PPP1R10: variants seen among roughly 807,000 people sequenced by gnomAD.
PPP1R10 encodes protein phosphatase 1 regulatory subunit 10.
PPP1R10 carries 15 observed loss-of-function variants against 99.0 expected under a neutral mutation model. The observed-to-expected ratio is 0.15, with a 90% CI of 0.10 to 0.23. PPP1R10 has a LOEUF of 0.23. PPP1R10 is among the 10% of genes least tolerant of loss of function. PPP1R10 has a pLI of 1.00. For synonymous variants in PPP1R10, 430 were observed against 449.5 expected, an observed-to-expected ratio of 0.96 and a Z score of 0.55; for missense variants, 947 against 1,259.4, an observed-to-expected ratio of 0.75 and a Z score of 3.75.
chr6:30,608,881 G>A lies in PPP1R10; in HGVS notation c.228C>T (p.Asn76=). 6.2e-7 allele frequency: 1 copy of A among 1,614,188 alleles called. No individual in the cohort carries two copies. The highest frequency in any genetic ancestry group is 8.5e-7 in the Non-Finnish European group (1 of 1,180,014). ...TTGTCTTTGAATACGTCAGCCAATTGTTAAGAAGTTTGTAGCCGCCAACGT... is the reference window on the plus strand; with the variant it reads ...TTGTCTTTGAATACGTCAGCCAATTATTAAGAAGTTTGTAGCCGCCAACGT... The part of the protein sequence containing the change: ...FIDVGGYKLL[N]NWLTYSKTTN... The change falls in exon 5 of 20, where the codon AAC becomes AAT. Residue 76 remains asparagine, a synonymous_variant. Coordinates refer to ENST00000376511, the MANE Select transcript of PPP1R10 (RefSeq NM_002714.4).
Position 30,606,130 on chromosome 6 carries a change from G to T in PPP1R10, c.740+8C>A, listed in dbSNP as rs1435393013. 1.2e-6 allele frequency: 2 copies of T among 1,613,674 alleles called. No homozygotes were observed. The highest frequency in any genetic ancestry group is 1.3e-5 in the African/African-American group (1 of 74,894). ...ACCCCATTCAGAGCCTGAGAATATG[G>T]TCCATACCTCTGACGTTTGAGGGGG... On this transcript the variant is annotated splice_region_variant and intron_variant, in intron 9 of 19. Transcript: ENST00000376511. This position sits in a 1 kb window ranked among gnomAD's most constrained non-coding sequence, Gnocchi z 6.3.
rs540063124 is a variant in PPP1R10 at position 30,605,610 on chromosome 6, C to T, written c.853+313G>A. Among the ~76,000 whole-genome samples, 9 of 152,232 alleles carry T rather than the reference C, an allele frequency of 5.9e-5. No homozygotes were observed. In the South Asian group the frequency reaches 1.9e-3, roughly 32 times the overall value. On this transcript the variant is annotated intron_variant, in intron 10 of 19. Transcript: ENST00000376511. Reference sequence around the variant, plus strand: ...GTGCGGTGGCTCATGCCTGTAATCCCAGCACTTTGGGAAGCTGAGGTGGGT... The same window carrying T: ...GTGCGGTGGCTCATGCCTGTAATCCTAGCACTTTGGGAAGCTGAGGTGGGT...
chr6:30,603,608 C>T lies in PPP1R10; in HGVS notation c.1631G>A (p.Gly544Asp). ...GGAGCCTCCTGCCCCATCAGGTGAG[C>T]CACCTGACCCCCCAGGTTCCAGAGT... ...VETLEPGGSG[G>D]SPDGAGGSKL... Residue 544 changes from glycine (G) to aspartate (D), a missense_variant, in exon 16 of 20, where the codon GGC (glycine) becomes GAC (aspartate). Physicochemically the swap from Gly to Asp is moderately conservative, Grantham distance 94. Transcript: ENST00000376511. 6.2e-7 allele frequency: 1 copy of T among 1,613,760 alleles called. No homozygotes were observed. The highest frequency in any genetic ancestry group is 8.5e-7 in the Non-Finnish European group (1 of 1,179,874).
In PPP1R10 at chr6:30,606,502, G is replaced by C. The variant is rs556813404; in HGVS notation, c.600C>G (p.Thr200=). The C allele has an allele frequency of 6.2e-7, 1 of 1,613,496 alleles. No homozygotes were observed. Among genetic ancestry groups the C allele is most frequent in the East Asian group, 2.2e-5 (1 of 44,886 alleles). Residue 200 remains threonine, a synonymous_variant, in exon 8 of 20, where the codon ACC becomes ACG. Coordinates refer to ENST00000376511, the MANE Select transcript of PPP1R10 (RefSeq NM_002714.4). The surrounding 1 kb of genome is among the most constrained non-coding windows in gnomAD (Gnocchi z 6.3). ...GGAACTTGGCATGACTGGGTGCTGT[G>C]GTGCGAAGAGACTTGGGCTTCTCCC... The part of the protein sequence containing the change: ...KKREKPKSLR[T]TAPSHAKFRS...
In PPP1R10 at chr6:30,602,687, G is replaced by A; in HGVS notation, c.1962C>T (p.Pro654=). 2 of 1,604,606 alleles carry A rather than the reference G, an allele frequency of 1.2e-6. No homozygotes were observed. The highest frequency in any genetic ancestry group is 2.2e-5 in the East Asian group (1 of 44,710). ...CCACTGGCCCACCAGGGCCTCCATG[G>A]GGACCTGTAAGGGGACAAAAAAGAG... is the stretch of plus-strand genomic sequence containing the variant. ...PPGPGGPMPG[P]HGGPGGPVGP... The change falls in exon 19 of 20, where the codon CCC becomes CCT. Residue 654 remains proline, a synonymous_variant. Transcript: ENST00000376511. This position sits in a 1 kb window ranked among gnomAD's most constrained non-coding sequence, Gnocchi z 6.7.
chr6:30,604,713 G>A lies in PPP1R10; in HGVS notation c.977C>T (p.Thr326Met), dbSNP rs569378424. Residue 326 changes from threonine to methionine, a missense_variant, in exon 12 of 20, where the codon ACG becomes ATG. Physicochemically the swap from Thr to Met is moderately conservative, Grantham distance 81. This residue lies in a region of PPP1R10 where 100 missense variants were observed against 105.8 expected (regional missense o/e 0.94). Coordinates refer to ENST00000376511, the MANE Select transcript of PPP1R10 (RefSeq NM_002714.4). The surrounding 1 kb of genome is among the most constrained non-coding windows in gnomAD (Gnocchi z 7.3). ...AAKPSPFEGK[T>M]STEPSTAKPS... ...TTTGGCTGTGCTTGGTTCTGTGCTC[G>A]TTTTCCCTTCAAAGGGGCTTGGCTA... 21 of 1,613,066 alleles carry A rather than the reference G, an allele frequency of 1.3e-5. No individual in the cohort carries two copies. The highest frequency in any genetic ancestry group is 8.0e-5 in the African/African-American group (6 of 75,030).
rs1582654982 is a variant in PPP1R10 at position 30,606,963 on chromosome 6, G to A, written c.383-107C>T. 1.7e-5 allele frequency: 17 copies of A among 1,013,148 alleles called. No homozygotes were observed. The East Asian group carries it at 4.4e-4, about 26-fold the overall frequency. The allele number at this position is 1,013,148 out of a possible 1,614,324, so 62.8% of individuals were successfully genotyped here. A position where few individuals can be genotyped will look rare whatever the true frequency, so the allele number is the denominator to read the frequency against. ...ATATTGTGAAAATTTATGTAACGGAGAAAGTAACCCAAAGTTTTAAGAAGA... is the reference window on the plus strand; with the variant it reads ...ATATTGTGAAAATTTATGTAACGGAAAAAGTAACCCAAAGTTTTAAGAAGA... On this transcript the variant is annotated intron_variant, in intron 6 of 19. Transcript: ENST00000376511. This position sits in a 1 kb window ranked among gnomAD's most constrained non-coding sequence, Gnocchi z 6.3.
intron 5 of PPP1R10, 117 bp downstream of exon 5, chr6:30,608,662 T>A: frequency 7.8e-7 from 1 of 1,286,030 alleles, no homozygotes; most frequent in Non-Finnish European, 1.1e-6. Flanking sequence ...ATTCCTATTT[T>A]TTTTCTGCTG....
At chr6:30,603,359 T>G in intron 16 of PPP1R10, 74 bp from the exon 17 acceptor site, 1 of 1,577,380 alleles carries the variant, frequency 6.3e-7, no homozygotes, top group South Asian at 1.1e-5. Flanking sequence ...CGCCAAAGAT[T>G]AGGGGTAAGT....
rs1444410732 is a variant in PPP1R10, at chr6:30,603,861, G to A, written c.1509-18C>T. 6.5e-7 allele frequency: 1 copy of A among 1,528,788 alleles called. No individual in the cohort carries two copies. Among genetic ancestry groups the A allele is most frequent in the East Asian group, 2.3e-5 (1 of 44,204 alleles). 94.7% of individuals were successfully genotyped at this position (1,528,788 alleles called of 1,614,324 possible). Reference sequence around the variant, plus strand: ...CATGAGGACTATCAGGAACAACACAGGTGAGAGAAAAAAGAATGATAGTCA... The same window carrying A: ...CATGAGGACTATCAGGAACAACACAAGTGAGAGAAAAAAGAATGATAGTCA... On this transcript the variant is annotated intron_variant, in intron 14 of 19. Coordinates refer to ENST00000376511, the MANE Select transcript of PPP1R10 (RefSeq NM_002714.4).
intron 14 of PPP1R10, 60 bp downstream of exon 14, chr6:30,603,948 T>C: frequency 2.0e-6 from 3 of 1,525,794 alleles, no homozygotes; most frequent in Non-Finnish European, 2.6e-6. Context: ...CCCCAGCTCA[T>C]GTTCCCTCAG....
Position 30,602,212 on chromosome 6 carries a change from G to A in PPP1R10, c.2437C>T (p.His813Tyr). The A allele has an allele frequency of 6.2e-7, 1 of 1,611,884 alleles. No individual in the cohort carries two copies. Among genetic ancestry groups the A allele is most frequent in the Non-Finnish European group, 8.5e-7 (1 of 1,179,386 alleles). ...PGGGISGGSGHRPHEGPGGGM... is the reference protein window; with the variant it reads ...PGGGISGGSGYRPHEGPGGGM... ...CCGCCAGGGCCTTCATGGGGACGAT[G>A]GCCACTGCCACCACTGATGCCACCG... is the stretch of plus-strand genomic sequence containing the variant. The change falls in exon 19 of 20, where the codon CAT (histidine) becomes TAT (tyrosine). Residue 813 changes from histidine to tyrosine, a missense_variant. This residue lies in a region of PPP1R10 where 525 missense variants were observed against 578.8 expected (regional missense o/e 0.91). Coordinates refer to ENST00000376511, the MANE Select transcript of PPP1R10 (RefSeq NM_002714.4). The surrounding 1 kb of genome is among the most constrained non-coding windows in gnomAD (Gnocchi z 6.7).
chr6:30,608,012 G>A (rs1380608993), intron 5 of PPP1R10, 121 bp from the exon 6 acceptor site: 25 of 1,004,336 alleles, frequency 2.5e-5, no homozygotes, highest in Middle Eastern at 3.1e-4. Flanking sequence ...TTTTTGAGAC[G>A]GAGTCTCACT....
chr6:30,604,778 C>T lies in PPP1R10; in HGVS notation c.955-43G>A. 1.2e-6 allele frequency: 2 copies of T among 1,611,780 alleles called. No homozygotes were observed. The highest frequency in any genetic ancestry group is 4.5e-5 in the East Asian group (2 of 44,876). On this transcript the variant is annotated intron_variant, in intron 11 of 19. Coordinates refer to ENST00000376511, the MANE Select transcript of PPP1R10 (RefSeq NM_002714.4). This position sits in a 1 kb window ranked among gnomAD's most constrained non-coding sequence, Gnocchi z 7.3. ...GAAGTTAATGAACTGACTGGAAAGC[C>T]AAGGGCAAGGCAATTAGTCCAGGGT...
rs117803875 is a variant in PPP1R10 at position 30,616,608 on chromosome 6, G to C, written c.-142C>G. On this transcript the variant is annotated 5_prime_UTR_variant, in exon 2 of 20. Transcript: ENST00000376511. ...TTAGGGGGCCTCATTGGATCAAAAA[G>C]TCTTTTAAAAAATAAAGGCCAACTC... is the stretch of plus-strand genomic sequence containing the variant. The C allele has an allele frequency of 6.6e-6, 1 of 152,002 alleles. No individual in the cohort carries two copies. The highest frequency in any genetic ancestry group is 1.5e-5 in the Non-Finnish European group (1 of 68,000). The allele number at this position is 152,002 out of a possible 1,614,324, so 9.4% of individuals were successfully genotyped here.
chr6:30,607,957 A>C, intron 5 of PPP1R10, 66 bp from the exon 6 acceptor site: 1 of 1,522,832 alleles, frequency 6.6e-7, no homozygotes, highest in Non-Finnish European at 9.0e-7. Context: ...TAGAGCTAAA[A>C]ACGACAAAAG....
chr6:30,614,134 A>C (rs1389192229), intron 2 of PPP1R10, among the ~76,000 whole-genome samples: 1 of 152,184 alleles, frequency 6.6e-6, no homozygotes, highest in Non-Finnish European at 1.5e-5. Flanking sequence ...AAGGAACCAG[A>C]CACCCAATAC....
chr6:30,603,076 T>C, intron 17 of PPP1R10, 117 bp from the exon 18 acceptor site: 1 of 1,385,028 alleles, frequency 7.2e-7, no homozygotes, highest in Non-Finnish European at 1.0e-6. Flanking sequence ...ATGCTCTCTC[T>C]GTCCAGTCTT....
intron 2 of PPP1R10, among the ~76,000 whole-genome samples, chr6:30,615,894 C>G (rs1249753600): frequency 6.6e-6 from 1 of 152,128 alleles, no homozygotes; most frequent in Admixed American, 6.6e-5. Context: ...CAAATATACC[C>G]CAAGCAAATT....
Sources: gnomAD v4.1 joint callset for allele counts (sites outside exome capture counted in the v4.1 genomes callset) on GRCh38, gnomAD v4.1.1 for gene constraint, gnomAD v4.1.1 regional missense constraint, Gnocchi (gnomAD v3.1) non-coding constraint, MANE v1.5 for transcripts, NCBI Gene and HGNC (gene_info 2026-07-23, HGNC 2026-07-21) for gene names.